The following RGS5 variants were observed in gnomAD, a reference collection of about 807,000 sequenced individuals.
The protein encoded by RGS5 is regulator of G-protein signalling 5.
RGS5 carries 20 observed loss-of-function variants against 18.9 expected under a neutral mutation model. That is an observed-to-expected ratio of 1.06 (90% CI 0.74 to 1.54). The LOEUF is 1.54. RGS5 is among the 40% of genes most tolerant of loss of function. The pLI is 0.00. For synonymous variants in RGS5, 57 were observed against 76.2 expected (o/e 0.75, Z 1.31); for missense variants, 201 against 211.8 (o/e 0.95, Z 0.32).
chr1:163,310,132 G>A lies in RGS5; in HGVS notation c.-377-3803C>T, dbSNP rs185370721. Reference sequence around the variant, plus strand: ...TTGTTCCATTGACAGAGTAGAGGCCGAGTAGATTCAGCATAATTCTTAAGG... The same window carrying A: ...TTGTTCCATTGACAGAGTAGAGGCCAAGTAGATTCAGCATAATTCTTAAGG... On this transcript the variant is annotated intron_variant, in intron 1 of 5. Coordinates refer to the RGS5 transcript ENST00000618415. Among the ~76,000 whole-genome samples the A allele has an allele frequency of 3.7e-3, 564 of 152,298 alleles. 2 individuals are homozygous for A. Among genetic ancestry groups the A allele is most frequent in the Admixed American group, 8.5e-3 (130 of 15,294 alleles).
intron 2 of RGS5, among the ~76,000 whole-genome samples, chr1:163,242,275 A>G (rs1420932155): frequency 6.6e-6 from 1 of 152,222 alleles, no homozygotes; most frequent in Non-Finnish European, 1.5e-5. Flanking sequence ...GCATAGGTAC[A>G]TTCTTTGCAC....
intron 2 of RGS5, among the ~76,000 whole-genome samples, chr1:163,224,343 G>A (rs967881144): frequency 6.6e-6 from 1 of 152,040 alleles, no homozygotes; most frequent in Admixed American, 6.5e-5. Flanking sequence ...TTAACATAAT[G>A]TCCTCTATGT....
chr1:163,257,717 C>T (rs1338815588), intron 2 of RGS5, among the ~76,000 whole-genome samples: 2 of 152,200 alleles, frequency 1.3e-5, no homozygotes, highest in Admixed American at 6.5e-5. Flanking sequence ...TACCAACACA[C>T]ACTGGAATAT....
intron 1 of RGS5, among the ~76,000 whole-genome samples, chr1:163,319,909 A>T (rs889409047): frequency 1.3e-5 from 2 of 152,200 alleles, no homozygotes; most frequent in Non-Finnish European, 2.9e-5. Flanking sequence ...CTTCTACCTT[A>T]CACTGACCAG....
At chr1:163,148,185 C>G (rs1412357376) in intron 4 of RGS5, among the ~76,000 whole-genome samples, 1 of 151,996 alleles carries the variant, frequency 6.6e-6, no homozygotes, top group Non-Finnish European at 1.5e-5. Flanking sequence ...CCTCGGCCTC[C>G]CAAAGTGCTG....
At chr1:163,277,036 T>C (rs1325932622) in intron 2 of RGS5, among the ~76,000 whole-genome samples, 1 of 152,184 alleles carries the variant, frequency 6.6e-6, no homozygotes, top group Non-Finnish European at 1.5e-5. Flanking sequence ...AAGAAACATT[T>C]ACAATCTATT....
intron 1 of RGS5, among the ~76,000 whole-genome samples, chr1:163,181,063 T>C (rs1248740377): frequency 6.6e-6 from 1 of 152,106 alleles, no homozygotes; most frequent in Non-Finnish European, 1.5e-5. Context: ...CTCATATACA[T>C]AAGATCATAT....
At chr1:163,162,060 C>G (rs912937064) in intron 2 of RGS5, 84 bp from the exon 3 acceptor site, 3 of 905,740 alleles carry the variant, frequency 3.3e-6, no homozygotes, top group Non-Finnish European at 5.6e-6. Context: ...CTTCCTGTTT[C>G]TCTTAGATGG....
chr1:163,150,611 T>C (rs920960823), intron 4 of RGS5, among the ~76,000 whole-genome samples: 4 of 152,082 alleles, frequency 2.6e-5, no homozygotes, highest in African/African-American at 4.8e-5. Context: ...GGGTGGAGGT[T>C]GAGGAGAAGA....
chr1:163,312,806 T>A (rs1297555986), intron 1 of RGS5, among the ~76,000 whole-genome samples: 1 of 152,218 alleles, frequency 6.6e-6, no homozygotes, highest in Non-Finnish European at 1.5e-5. Context: ...GTCCTAACTT[T>A]TGGTTGTGAA....
chr1:163,190,905 T>C (rs973782636), intron 1 of RGS5, among the ~76,000 whole-genome samples: 2 of 152,180 alleles, frequency 1.3e-5, no homozygotes, highest in African/African-American at 4.8e-5. Flanking sequence ...GAAATGACTA[T>C]GGGAATTCAA....
chr1:163,317,807 C>G (rs1206211097), intron 1 of RGS5, among the ~76,000 whole-genome samples: 1 of 151,536 alleles, frequency 6.6e-6, no homozygotes, highest in African/African-American at 2.4e-5. Flanking sequence ...CTTTCAATTC[C>G]TAGCTATTAT....
chr1:163,161,027 G>T (rs77540016), intron 3 of RGS5, among the ~76,000 whole-genome samples: 1 of 152,198 alleles, frequency 6.6e-6, no homozygotes, highest in Non-Finnish European at 1.5e-5. Context: ...AAGATGTGCA[G>T]ACAAATGACT....
At chr1:163,293,472 T>A (rs1649346768) in intron 2 of RGS5, among the ~76,000 whole-genome samples, 1 of 152,312 alleles carries the variant, frequency 6.6e-6, no homozygotes, top group South Asian at 2.1e-4. Context: ...ACTGTCCCCA[T>A]GATCCAGTAA....
chr1:163,165,406 A>G (rs1442749558), intron 2 of RGS5, among the ~76,000 whole-genome samples: 3 of 152,208 alleles, frequency 2.0e-5, no homozygotes, highest in Non-Finnish European at 4.4e-5. Context: ...ACATTTTACA[A>G]TTGATGATTT....
chr1:163,161,775 C>A (rs1027363409), intron 3 of RGS5, 140 bp downstream of exon 3: 12 of 621,782 alleles, frequency 1.9e-5, no homozygotes, highest in East Asian at 1.2e-4. Flanking sequence ...TACCTGCAGC[C>A]CCCTTCCCTT....
intron 1 of RGS5, among the ~76,000 whole-genome samples, chr1:163,186,599 A>G (rs113136534): frequency 1.3e-3 from 119 of 89,848 alleles, no homozygotes; most frequent in African/African-American, 3.6e-3. Flanking sequence ...AAAAAAAAAG[A>G]AAAAGAAAAG....
chr1:163,172,060 T>C (rs1658325910), intron 1 of RGS5, among the ~76,000 whole-genome samples: 1 of 152,154 alleles, frequency 6.6e-6, no homozygotes, highest in South Asian at 2.1e-4. Flanking sequence ...GGTGGGTGCG[T>C]GTTATTTTAA....
At chr1:163,194,809 C>T (rs1034304721) in intron 1 of RGS5, among the ~76,000 whole-genome samples, 1 of 152,002 alleles carries the variant, frequency 6.6e-6, no homozygotes, top group African/African-American at 2.4e-5. Context: ...ACCGGATATT[C>T]AATGAATTAT....
Sources: gnomAD v4.1 joint callset for allele counts (sites outside exome capture counted in the v4.1 genomes callset) on GRCh38, gnomAD v4.1.1 for gene constraint, MANE v1.5 for transcripts, NCBI Gene and HGNC (gene_info 2026-07-23, HGNC 2026-07-21) for gene names.